Variants in ERICH1 observed in about 807,000 individuals in gnomAD.
ERICH1 encodes glutamate rich 1, also known as glutamate-rich protein 1.
In ERICH1, 56 loss-of-function variants were observed where a neutral mutation model predicts 39.6. The observed-to-expected ratio is 1.41, with a 90% CI of 1.14 to 1.77. ERICH1 has a LOEUF of 1.77. Among genes scored for constraint, ERICH1 ranks in the 40% most tolerant of loss-of-function variants. The probability of loss-of-function intolerance (pLI) is 0.00; values close to 1 mark genes in which losing one functional copy is unlikely to be tolerated. For synonymous variants in ERICH1, 313 were observed against 223.6 expected (o/e 1.40, Z -3.57); for missense variants, 826 against 575.4 (o/e 1.44, Z -4.45).
intron 2 of ERICH1, among the ~76,000 whole-genome samples, chr8:698,261 C>T (rs1486154960): frequency 6.6e-6 from 1 of 151,024 alleles, no homozygotes; most frequent in Non-Finnish European, 1.5e-5. Flanking sequence ...CTCTGTCACC[C>T]AGGCTGGAGT....
intron 3 of ERICH1, among the ~76,000 whole-genome samples, chr8:656,117 G>A (rs1669681): frequency 0.41 from 62,140 of 151,912 alleles, 12,904 homozygotes; most frequent in Middle Eastern, 0.49. Flanking sequence ...GCCATTCCCA[G>A]GTCTTCTCCG....
intron 4 of ERICH1, 74 bp from the exon 5 acceptor site, chr8:668,866 CTT>C: frequency 7.2e-7 from 1 of 1,392,604 alleles, no homozygotes; most frequent in Non-Finnish European, 9.6e-7. Context: ...GCTTTCCTCT[CTT>C]AAGGAAGGTC....
At chr8:653,305 G>A (rs1038456143) in intron 3 of ERICH1, among the ~76,000 whole-genome samples, 5 of 152,232 alleles carry the variant, frequency 3.3e-5, no homozygotes, top group African/African-American at 1.2e-4. Flanking sequence ...CCTTGTGGAC[G>A]AACTATAACC....
intron 3 of ERICH1, among the ~76,000 whole-genome samples, chr8:632,570 A>G (rs1350811958): frequency 6.6e-6 from 1 of 152,248 alleles, no homozygotes; most frequent in Non-Finnish European, 1.5e-5. Flanking sequence ...GTAAGTATCC[A>G]GAATACTTAA....
In ERICH1 at chr8:625,286, G is replaced by C. The variant is rs1163205005; in HGVS notation, c.977-10002C>G. Among the ~76,000 whole-genome samples, 9 of 152,302 alleles carry C rather than the reference G, an allele frequency of 5.9e-5. No homozygotes were observed. The East Asian group carries it at 1.7e-3, about 29-fold the overall frequency. Reference sequence around the variant, plus strand: ...CATGATCTACTCAAACAATGGAATAGTAGCCACAAAAAGGAAAGCAGTGGT... The same window carrying C: ...CATGATCTACTCAAACAATGGAATACTAGCCACAAAAAGGAAAGCAGTGGT... On this transcript the variant is annotated intron_variant, in intron 3 of 3. Coordinates refer to the ERICH1 transcript ENST00000522706.
At chr8:721,392 C>T (rs1042419993) in intron 1 of ERICH1, among the ~76,000 whole-genome samples, 1 of 152,186 alleles carries the variant, frequency 6.6e-6, no homozygotes, top group Non-Finnish European at 1.5e-5. Flanking sequence ...TTCCTCCCAG[C>T]CCCAGAGATG....
chr8:723,269 C>A (rs1484661271), intron 1 of ERICH1, among the ~76,000 whole-genome samples: 1 of 152,222 alleles, frequency 6.6e-6, no homozygotes, highest in Non-Finnish European at 1.5e-5. Context: ...GAACCGTGAG[C>A]CCAGCAAACC....
At chr8:667,761 A>T (rs1802495497) in intron 5 of ERICH1, 1 of 152,528 alleles carries the variant, frequency 6.6e-6, no homozygotes, top group Admixed American at 6.5e-5. Flanking sequence ...ACTGTTTGCT[A>T]CCTGGCTTCT....
intron 1 of ERICH1, among the ~76,000 whole-genome samples, chr8:720,022 C>A (rs542388450): frequency 6.6e-6 from 1 of 152,102 alleles, no homozygotes; most frequent in Admixed American, 6.5e-5. Flanking sequence ...AGCCCCTTCT[C>A]CAAGAAGACC....
At chr8:654,854 A>G (rs4735897) in intron 3 of ERICH1, among the ~76,000 whole-genome samples, 150,423 of 152,274 alleles carry the variant, frequency 0.99, 74,314 homozygotes, top group East Asian at 1. Context: ...CCCCCCGAGT[A>G]GCTGCTGTCC....
intron 2 of ERICH1, among the ~76,000 whole-genome samples, chr8:707,355 C>A (rs1030142683): frequency 1.3e-5 from 2 of 151,956 alleles, no homozygotes; most frequent in Non-Finnish European, 2.9e-5. Context: ...CTACAGGTAC[C>A]TGCCACCATG....
At chr8:701,549 C>G (rs1812149129) in intron 2 of ERICH1, among the ~76,000 whole-genome samples, 1 of 152,224 alleles carries the variant, frequency 6.6e-6, no homozygotes, top group Admixed American at 6.5e-5. Flanking sequence ...TGGCCCAGGA[C>G]AGAGGGCTGA....
intron 2 of ERICH1, among the ~76,000 whole-genome samples, chr8:693,937 G>A (rs1473545782): frequency 6.6e-6 from 1 of 152,212 alleles, no homozygotes; most frequent in African/African-American, 2.4e-5. Flanking sequence ...AGGTAGCAGG[G>A]CCACTTCCTC....
chr8:688,276 T>TCCCCGCCCCGCCCCGG (rs1808005462), intron 3 of ERICH1, among the ~76,000 whole-genome samples: 2 of 46,756 alleles, frequency 4.3e-5, no homozygotes, highest in Non-Finnish European at 8.9e-5. Flanking sequence ...GTTCCGCCCG[T>TCCCCGCCCCGCCCCGG]CCCCGCCCCG....
Position 706,731 on chromosome 8 carries a change from T to G in ERICH1, c.169+9130A>C, listed in dbSNP as rs532014206. 8.8e-4 allele frequency among the ~76,000 whole-genome samples: 134 copies of G among 152,240 alleles called. 1 individual carries two copies. The South Asian group carries it at 0.026, about 30-fold the overall frequency. On this transcript the variant is annotated intron_variant, in intron 2 of 5. Coordinates refer to ENST00000262109, the MANE Select transcript of ERICH1 (RefSeq NM_207332.3). The stretch of plus-strand genomic sequence containing the variant: ...GTTGTGGTGAGCCAAGATCATGCCA[T>G]TGTACTCTAGCCTGGGCAACAAGAG...
chr8:717,146 GC>G (rs1816202090), intron 1 of ERICH1, among the ~76,000 whole-genome samples: 1 of 152,184 alleles, frequency 6.6e-6, no homozygotes, highest in South Asian at 2.1e-4. Context: ...CAGAGAGTGA[GC>G]ACAAAGCCTG....
downstream of ERICH1, among the ~76,000 whole-genome samples, chr8:663,290 G>C (rs942635479): frequency 4.6e-5 from 7 of 152,180 alleles, no homozygotes; most frequent in African/African-American, 1.7e-4. Flanking sequence ...CTTTGGGCAG[G>C]GGTGGTCTGG....
At chr8:626,975 G>C (rs1797624437) in intron 3 of ERICH1, 1 of 389,098 alleles carries the variant, frequency 2.6e-6, no homozygotes, top group Non-Finnish European at 5.3e-6. Flanking sequence ...CCGTGGAGGA[G>C]GAAAGCACAG....
chr8:699,840 C>G (rs1243144484), intron 2 of ERICH1, among the ~76,000 whole-genome samples: 1 of 115,940 alleles, frequency 8.6e-6, no homozygotes, highest in African/African-American at 3.0e-5. Flanking sequence ...CCCGCACAGG[C>G]GCACAGACCC....
Sources: allele counts gnomAD v4.1 joint callset (sites outside exome capture counted in the v4.1 genomes callset), GRCh38; gene constraint gnomAD v4.1.1; transcripts MANE v1.5; gene names NCBI Gene and HGNC (gene_info 2026-07-23, HGNC 2026-07-21).